CLCN4: variants seen among roughly 807,000 people sequenced by gnomAD.
CLCN4 encodes H(+)/Cl(-) exchange transporter 4.
Under a neutral mutation model 41.7 loss-of-function variants are expected in CLCN4, and 1 was observed. The ratio of observed to expected loss-of-function variants is 0.02; its 90% CI spans 0.01 to 0.11. The LOEUF is 0.11. CLCN4 is among the 10% of genes least tolerant of loss of function. The pLI, the probability that CLCN4 is intolerant of heterozygous loss-of-function variation, is 1.00. For synonymous variants in CLCN4, 277 were observed against 285.8 expected (o/e 0.97, Z 0.31); for missense variants, 287 against 661.0 (o/e 0.43, Z 6.20).
chrX:10,189,070 G>A (rs187009865), intron 4 of CLCN4, among the ~76,000 whole-genome samples: 1 of 112,304 alleles, frequency 8.9e-6, no homozygotes, highest in Non-Finnish European at 1.9e-5. Context: ...GGGATTGGAC[G>A]ACCAATTTTG....
chrX:10,223,437 C>T (rs889167774), intron 12 of CLCN4, among the ~76,000 whole-genome samples: 1 of 111,857 alleles, frequency 8.9e-6, no homozygotes, highest in East Asian at 2.8e-4. Flanking sequence ...CACTCTCTCT[C>T]GCTCTACATC....
chrX:10,208,897 T>G (rs1428084312), intron 9 of CLCN4, among the ~76,000 whole-genome samples: 1 of 111,781 alleles, frequency 8.9e-6, no homozygotes, highest in Non-Finnish European at 1.9e-5. Flanking sequence ...CTTCACACAT[T>G]CCCAGAACAG....
In CLCN4 at chrX:10,208,387, G is replaced by A. The variant is rs1273441566; in HGVS notation, c.1186G>A (p.Glu396Lys). Residue 396 changes from glutamate to lysine, a missense_variant, in exon 9 of 13, where the codon GAG becomes AAG. Transcript: ENST00000380833. ...PNPYTRQSTS[E>K]LISELFNDCG... ...TCCCTACACACGCCAGAGCACCAGC[G>A]AGCTCATTTCTGAGCTGTTCAATGA... 2.5e-6 allele frequency: 3 copies of A among 1,208,646 alleles called. No homozygotes were observed. Among genetic ancestry groups the A allele is most frequent in the African/African-American group, 3.5e-5 (2 of 56,813 alleles).
At chrX:10,173,489 G>C (rs1923435266) in intron 2 of CLCN4, among the ~76,000 whole-genome samples, 1 of 111,017 alleles carries the variant, frequency 9.0e-6, no homozygotes, top group African/African-American at 3.3e-5. Context: ...GGAACCGTGG[G>C]GTTCCCTGGC....
chrX:10,226,943 C>T (rs1022166286), intron 12 of CLCN4, among the ~76,000 whole-genome samples: 17 of 110,806 alleles, frequency 1.5e-4, no homozygotes, highest in African/African-American at 5.6e-4. Context: ...GACAGATTTA[C>T]AGCTGAATTC....
chrX:10,173,200 A>G (rs892546716), intron 2 of CLCN4, among the ~76,000 whole-genome samples: 8 of 111,174 alleles, frequency 7.2e-5, no homozygotes, highest in African/African-American at 2.6e-4. Context: ...ATCGCTTGGG[A>G]GTGCCTTAGA....
In CLCN4 at chrX:10,228,486, G is replaced by T. The variant is rs764629958; in HGVS notation, c.2193-5008G>T. The stretch of plus-strand genomic sequence containing the variant: ...CTGGGACCAACGACAGTGGGGAGTA[G>T]ACCTGGGCGTGATGGGAAGATATGT... On this transcript the variant is annotated intron_variant, in intron 12 of 12. Coordinates refer to ENST00000380833, the MANE Select transcript of CLCN4 (RefSeq NM_001830.4). 3.2e-3 allele frequency among the ~76,000 whole-genome samples: 359 copies of T among 110,960 alleles called. 2 individuals are homozygous for T. Among genetic ancestry groups the T allele is most frequent in the African/African-American group, 0.011 (349 of 30,479 alleles).
rs924670284 is a variant in CLCN4, at chrX:10,237,369, A to T, written c.*3785A>T. 7 of 112,052 alleles carry T rather than the reference A, an allele frequency of 6.2e-5. No homozygotes were observed. In the East Asian group the frequency reaches 2.0e-3, roughly 31 times the overall value. 9.2% of individuals were successfully genotyped at this position (112,052 alleles called of 1,213,427 possible). ...GACTAAGCTTCTAGCCTTTGAAATG[A>T]TTTACATGAGGAGAGAGCCTGTATA... is the stretch of plus-strand genomic sequence containing the variant. On this transcript the variant is annotated 3_prime_UTR_variant, in exon 13 of 13. Transcript: ENST00000380833.
intron 2 of CLCN4, among the ~76,000 whole-genome samples, chrX:10,175,855 CCTCTCT>C (rs372995946): frequency 2.1e-5 from 2 of 97,202 alleles, no homozygotes; most frequent in Admixed American, 1.2e-4. Flanking sequence ...CTCACAGAAA[CCTCTCT>C]CTCTCTCTCT....
At chrX:10,199,942 ATTTTT>A (rs1381357833) in intron 6 of CLCN4, among the ~76,000 whole-genome samples, 6 of 108,980 alleles carry the variant, frequency 5.5e-5, no homozygotes, top group Non-Finnish European at 1.1e-4. Context: ...TTTTGGTTTT[ATTTTT>A]AAGTAGAGAC....
intron 3 of CLCN4, among the ~76,000 whole-genome samples, chrX:10,185,494 T>A (rs1189894386): frequency 8.9e-6 from 1 of 111,941 alleles, no homozygotes; most frequent in African/African-American, 3.3e-5. Context: ...ATTATGTGTA[T>A]ATGAAAGCAC....
intron 12 of CLCN4, among the ~76,000 whole-genome samples, chrX:10,232,749 G>T (rs1195782310): frequency 3.6e-5 from 4 of 110,396 alleles, no homozygotes; most frequent in African/African-American, 9.9e-5. Context: ...TGCAGTGTTT[G>T]TGAGCAGTGC....
chrX:10,227,090 A>G (rs1301985095), intron 12 of CLCN4, among the ~76,000 whole-genome samples: 1 of 111,283 alleles, frequency 9.0e-6, no homozygotes, highest in Non-Finnish European at 1.9e-5. Flanking sequence ...CAGAGATACA[A>G]CAAAAAAAGA....
At chrX:10,196,538 C>CTTTTTTTTTTTTTTT (rs141362799) in intron 5 of CLCN4, among the ~76,000 whole-genome samples, 2 of 80,914 alleles carry the variant, frequency 2.5e-5, no homozygotes, top group Admixed American at 1.4e-4. Context: ...CCCTTCCCCA[C>CTTTTTTTTTTTTTTT]TTTTTTTTTT....
chrX:10,230,267 C>T (rs1251654175), intron 12 of CLCN4, among the ~76,000 whole-genome samples: 2 of 111,615 alleles, frequency 1.8e-5, no homozygotes, highest in Admixed American at 9.5e-5. Flanking sequence ...CTGGCTCTGA[C>T]ATGCCTCAAG....
Position 10,198,076 on chromosome X carries a change from A to AT in CLCN4, c.555+22dup, listed in dbSNP as rs755091054. 4.9e-4 allele frequency: 593 copies of AT among 1,202,866 alleles called. 3 individuals are homozygous for AT. The African/African-American group carries it at 9.0e-3, about 18-fold the overall frequency. On this transcript the variant is annotated intron_variant, in intron 6 of 12. Transcript: ENST00000380833. ...GCATACCAGAGGTGAGTTCTGGCTG[A>AT]TTTTTTTGGTACCAATAATAAGAAT...
intron 12 of CLCN4, among the ~76,000 whole-genome samples, chrX:10,221,495 A>T (rs1924861079): frequency 9.0e-6 from 1 of 110,568 alleles, no homozygotes; most frequent in African/African-American, 3.3e-5. Flanking sequence ...ATCTCTACAG[A>T]TAAATTTTTA....
intron 8 of CLCN4, among the ~76,000 whole-genome samples, 158 bp downstream of exon 8, chrX:10,206,934 T>TGTTTTC (rs56259244): frequency 9.1e-6 from 1 of 109,682 alleles, no homozygotes; most frequent in East Asian, 2.9e-4. Context: ...TTTTTGTTTT[T>TGTTTTC]TTTGAGACTG....
intron 12 of CLCN4, among the ~76,000 whole-genome samples, chrX:10,228,827 T>G (rs1396728165): frequency 9.0e-6 from 1 of 111,558 alleles, no homozygotes; most frequent in Non-Finnish European, 1.9e-5. Context: ...AACCAACCGG[T>G]GTAGAACTAT....
Sources: allele counts gnomAD v4.1 joint callset (sites outside exome capture counted in the v4.1 genomes callset), GRCh38; gene constraint gnomAD v4.1.1; transcripts MANE v1.5; gene names NCBI Gene and HGNC (gene_info 2026-07-23, HGNC 2026-07-21).